YEATS4: variants seen among roughly 807,000 people sequenced by gnomAD.
YEATS4 encodes the protein YEATS domain-containing protein 4.
In YEATS4, 17 loss-of-function variants were observed where a neutral mutation model predicts 30.1. That is an observed-to-expected ratio of 0.56 (90% CI 0.39 to 0.85). The LOEUF is 0.85. Among genes scored for constraint, YEATS4 ranks in the 40% least tolerant of loss-of-function variants. The probability of loss-of-function intolerance (pLI) is 0.00; values close to 1 mark genes in which losing one functional copy is unlikely to be tolerated. For missense variants in YEATS4, 142 were observed against 268.3 expected, an observed-to-expected ratio of 0.53 and a Z score of 3.29; for synonymous variants, 85 against 87.5, an observed-to-expected ratio of 0.97 and a Z score of 0.16.
chr12:69,403,181 A>G, the YEATS4 span, among the ~76,000 whole-genome samples: 2 of 152,150 alleles, frequency 1.3e-5, no homozygotes, highest in South Asian at 2.1e-4. Flanking sequence ...ACCAACCCCA[A>G]GGGGACCTTT....
intron 1 of YEATS4, among the ~76,000 whole-genome samples, chr12:69,362,412 G>C (rs1050227755): frequency 9.2e-5 from 14 of 152,204 alleles, no homozygotes; most frequent in African/African-American, 3.1e-4. Context: ...TATACTTTGG[G>C]AAACACTGCC....
chr12:69,395,229 AT>A (rs1868342752), downstream of YEATS4, among the ~76,000 whole-genome samples: 1 of 152,182 alleles, frequency 6.6e-6, no homozygotes, highest in African/African-American at 2.4e-5. Flanking sequence ...ATAAGAAAAA[AT>A]GTATTACTTA....
chr12:69,402,173 A>G, the YEATS4 span, among the ~76,000 whole-genome samples: 1 of 152,142 alleles, frequency 6.6e-6, no homozygotes, highest in African/African-American at 2.4e-5. Flanking sequence ...ACCAGGGCCT[A>G]AGTCTAGTTA....
the YEATS4 span, chr12:69,422,541 G>A: frequency 1.4e-5 from 2 of 147,960 alleles, no homozygotes; most frequent in Non-Finnish European, 3.0e-5. Flanking sequence ...TGAGGTGGGA[G>A]GATCACTACA....
At chr12:69,373,341 A>C (rs553968260) in intron 6 of YEATS4, among the ~76,000 whole-genome samples, 4 of 152,196 alleles carry the variant, frequency 2.6e-5, no homozygotes, top group Non-Finnish European at 5.9e-5. Context: ...TTTAACAGGC[A>C]TGAGATGACA....
chr12:69,419,044 G>T, the YEATS4 span, among the ~76,000 whole-genome samples: 1 of 142,650 alleles, frequency 7.0e-6, no homozygotes. Flanking sequence ...TGTATATGAG[G>T]CTTAAAATTT....
At chr12:69,374,687 G>A (rs961101764) in intron 6 of YEATS4, among the ~76,000 whole-genome samples, 11 of 144,044 alleles carry the variant, frequency 7.6e-5, no homozygotes, top group East Asian at 2.0e-4. Flanking sequence ...CAGAGAGCAC[G>A]GGGTTGGGGG....
chr12:69,398,321 A>C, the YEATS4 span, among the ~76,000 whole-genome samples: 1 of 151,592 alleles, frequency 6.6e-6, no homozygotes, highest in Non-Finnish European at 1.5e-5. Flanking sequence ...ACACACACAC[A>C]CAAAAAAACT....
the YEATS4 span, among the ~76,000 whole-genome samples, chr12:69,425,122 C>T: frequency 4.0e-5 from 6 of 151,892 alleles, no homozygotes; most frequent in Non-Finnish European, 5.9e-5. Context: ...GGGGTTTCTC[C>T]GTATTGGTCA....
chr12:69,390,519 A>G lies in YEATS4; in HGVS notation c.*203A>G. The G allele has an allele frequency of 2.7e-6, 1 of 366,902 alleles. No homozygotes were observed. Among genetic ancestry groups the G allele is most frequent in the Non-Finnish European group, 4.7e-6 (1 of 210,664 alleles). 22.7% of individuals were successfully genotyped at this position (366,902 alleles called of 1,614,324 possible). A position where few individuals can be genotyped will look rare whatever the true frequency, so the allele number is the denominator to read the frequency against. Reference sequence around the variant, plus strand: ...ATGTGTGTAAGAATGGATGCTATATAGGTATTTTACCAACCCATTTTAAGA... The same window carrying G: ...ATGTGTGTAAGAATGGATGCTATATGGGTATTTTACCAACCCATTTTAAGA... On this transcript the variant is annotated 3_prime_UTR_variant, in exon 7 of 7. Transcript: ENST00000247843.
chr12:69,390,328 G>C lies in YEATS4; in HGVS notation c.*12G>C, dbSNP rs767511025. 9 of 1,555,614 alleles carry C rather than the reference G, an allele frequency of 5.8e-6. No individual in the cohort carries two copies. The highest frequency in any genetic ancestry group is 7.8e-6 in the Non-Finnish European group (9 of 1,160,062). On this transcript the variant is annotated 3_prime_UTR_variant, in exon 7 of 7. Transcript: ENST00000247843. ...CAAAAGACATATAAACAGTTCTCAT[G>C]AGAACTTGGTAGTAAGCTAAACTGA...
At chr12:69,385,916 T>C (rs1017020862) in intron 6 of YEATS4, among the ~76,000 whole-genome samples, 1 of 152,168 alleles carries the variant, frequency 6.6e-6, no homozygotes, top group Non-Finnish European at 1.5e-5. Context: ...TGCCCAAAAT[T>C]ACCCAGTAGA....
At chr12:69,376,050 G>T (rs1875860967) in intron 6 of YEATS4, among the ~76,000 whole-genome samples, 1 of 152,136 alleles carries the variant, frequency 6.6e-6, no homozygotes, top group Non-Finnish European at 1.5e-5. Flanking sequence ...TTTTGGTGGA[G>T]TCTTTAGGTT....
chr12:69,367,719 G>A (rs1875492528), intron 4 of YEATS4, among the ~76,000 whole-genome samples: 1 of 152,172 alleles, frequency 6.6e-6, no homozygotes, highest in Non-Finnish European at 1.5e-5. Context: ...TTAAGGGATT[G>A]AGAAGGATAC....
chr12:69,423,667 T>C, the YEATS4 span, among the ~76,000 whole-genome samples: 1 of 152,166 alleles, frequency 6.6e-6, no homozygotes, highest in Non-Finnish European at 1.5e-5. Flanking sequence ...ACTTGCCCTA[T>C]AGACAAGAAA....
At chr12:69,395,697 A>G (rs1169580135), downstream of YEATS4, among the ~76,000 whole-genome samples, 5 of 152,248 alleles carry the variant, frequency 3.3e-5, no homozygotes, top group Non-Finnish European at 1.5e-5. Flanking sequence ...GATTAACAGA[A>G]CATTGCCTCC....
chr12:69,420,092 G>C, the YEATS4 span, among the ~76,000 whole-genome samples: 1 of 152,182 alleles, frequency 6.6e-6, no homozygotes, highest in Non-Finnish European at 1.5e-5. Context: ...GTCTTTGAGG[G>C]TAAAATGTAA....
At chr12:69,388,049 T>TTTTTTTA (rs141718214) in intron 6 of YEATS4, among the ~76,000 whole-genome samples, 59,530 of 144,920 alleles carry the variant, frequency 0.41, 12,088 homozygotes, top group Non-Finnish European at 0.46. Context: ...AATTTTTTTA[T>TTTTTTTA]TTTTTTTATT....
chr12:69,387,429 A>C (rs1373015667), intron 6 of YEATS4, among the ~76,000 whole-genome samples: 1 of 152,220 alleles, frequency 6.6e-6, no homozygotes, highest in Non-Finnish European at 1.5e-5. Context: ...ATTCTATAAC[A>C]GTTCCATTTC....
Sources: allele counts gnomAD v4.1 joint callset (sites outside exome capture counted in the v4.1 genomes callset), GRCh38; gene constraint gnomAD v4.1.1; transcripts MANE v1.5; gene names NCBI Gene and HGNC (gene_info 2026-07-23, HGNC 2026-07-21).